Variants in FBXL5 observed in about 807,000 individuals in gnomAD.
FBXL5 encodes the protein F-box/LRR-repeat protein 5.
FBXL5 carries 26 observed loss-of-function variants against 78.3 expected under a neutral mutation model. The ratio of observed to expected loss-of-function variants is 0.33; its 90% CI spans 0.24 to 0.46. FBXL5 has a LOEUF of 0.46. Among genes scored for constraint, FBXL5 ranks in the 20% least tolerant of loss-of-function variants. The pLI is 1.00. For missense variants in FBXL5, 710 were observed against 829.2 expected (o/e 0.86, Z 1.77); for synonymous variants, 295 against 282.5 (o/e 1.04, Z -0.45).
At chr4:15,610,832 ATT>A (rs769841216) in intron 10 of FBXL5, among the ~76,000 whole-genome samples, 28 of 152,014 alleles carry the variant, frequency 1.8e-4, no homozygotes, top group Non-Finnish European at 3.8e-4. Flanking sequence ...TACAAATAAA[ATT>A]TTTTCTGATA....
chr4:15,629,032 C>T (rs1211355095), intron 6 of FBXL5, among the ~76,000 whole-genome samples: 2 of 151,910 alleles, frequency 1.3e-5, no homozygotes, highest in African/African-American at 4.8e-5. Context: ...ATCAAGGTAA[C>T]TGGAACTGTG....
At chr4:15,613,975 G>C (rs993384759) in intron 9 of FBXL5, among the ~76,000 whole-genome samples, 2 of 152,088 alleles carry the variant, frequency 1.3e-5, no homozygotes, top group Non-Finnish European at 2.9e-5. Flanking sequence ...ATCCACTGCT[G>C]GTGAGCTAGT....
At chr4:15,641,473 AT>A (rs1304309654) in intron 2 of FBXL5, 3 of 340,410 alleles carry the variant, frequency 8.8e-6, no homozygotes, top group South Asian at 2.3e-5. Context: ...TAGTGAATAG[AT>A]TTTTTTCTTC....
upstream of FBXL5, among the ~76,000 whole-genome samples, chr4:15,657,303 A>G (rs889049573): frequency 6.6e-6 from 1 of 152,246 alleles, no homozygotes; most frequent in Non-Finnish European, 1.5e-5. Flanking sequence ...AGCACTTAGA[A>G]TGATGTCTGT....
intron 2 of FBXL5, chr4:15,641,383 C>A (rs915730024): frequency 1.2e-5 from 4 of 345,634 alleles, no homozygotes; most frequent in African/African-American, 8.6e-5. Context: ...CCAACCCCAC[C>A]TCTTCTTCCT....
At chr4:15,650,891 A>G (rs1366579024) in intron 1 of FBXL5, among the ~76,000 whole-genome samples, 1 of 152,012 alleles carries the variant, frequency 6.6e-6, no homozygotes, top group Non-Finnish European at 1.5e-5. Context: ...TCGGCCTCCC[A>G]AAGTGCTGGG....
At chr4:15,660,516 A>T (rs1464743939), upstream of FBXL5, among the ~76,000 whole-genome samples, 1 of 152,192 alleles carries the variant, frequency 6.6e-6, no homozygotes, top group Non-Finnish European at 1.5e-5. Flanking sequence ...GTGTTCACTG[A>T]CCAATAGCCT....
At chr4:15,611,884 T>A (rs1054876145) in intron 10 of FBXL5, 1 of 155,510 alleles carries the variant, frequency 6.4e-6, no homozygotes, top group East Asian at 1.9e-4. Context: ...TAAGACTCTA[T>A]TATCCCTAAG....
At chr4:15,663,506 A>C (rs1717406135), upstream of FBXL5, among the ~76,000 whole-genome samples, 1 of 152,192 alleles carries the variant, frequency 6.6e-6, no homozygotes, top group South Asian at 2.1e-4. Context: ...ACTTACTACC[A>C]GCAGGGTAAA....
At chr4:15,605,868 G>A (rs1721850953) in intron 10 of FBXL5, 69 bp from the exon 11 acceptor site, 1 of 1,236,778 alleles carries the variant, frequency 8.1e-7, no homozygotes, top group Non-Finnish European at 1.2e-6. Flanking sequence ...TTTTGCTTAT[G>A]AAGGAGTTAA....
chr4:15,639,855 A>C (rs1714661282), intron 3 of FBXL5, among the ~76,000 whole-genome samples: 1 of 152,216 alleles, frequency 6.6e-6, no homozygotes, highest in African/African-American at 2.4e-5. Context: ...AGGTGAAGCT[A>C]TAGTTGAGAA....
At chr4:15,639,661 G>A (rs991693970) in intron 3 of FBXL5, among the ~76,000 whole-genome samples, 1 of 152,120 alleles carries the variant, frequency 6.6e-6, no homozygotes, top group Admixed American at 6.6e-5. Flanking sequence ...AAAAAACACT[G>A]GTCAGTCTAG....
At chr4:15,640,720 GTC>G in intron 3 of FBXL5, 66 bp downstream of exon 3, 1 of 805,652 alleles carries the variant, frequency 1.2e-6, no homozygotes, top group Non-Finnish European at 1.9e-6. Flanking sequence ...ATTTTGAAGA[GTC>G]TCTAAAGCAA....
intron 10 of FBXL5, among the ~76,000 whole-genome samples, chr4:15,611,673 GA>G (rs1022417120): frequency 6.6e-6 from 1 of 152,038 alleles, no homozygotes; most frequent in Non-Finnish European, 1.5e-5. Context: ...TGTGATTTTT[GA>G]AAGTAGGTTC....
At chr4:15,612,477 G>T in intron 9 of FBXL5, 63 bp from the exon 10 acceptor site, 2 of 1,434,944 alleles carry the variant, frequency 1.4e-6, no homozygotes, top group South Asian at 1.4e-5. Context: ...GTATTCCTAT[G>T]GTTCACTGAA....
chr4:15,670,566 T>G (rs1717719343), intron 1 of FBXL5, among the ~76,000 whole-genome samples: 2 of 152,186 alleles, frequency 1.3e-5, no homozygotes. Flanking sequence ...ACCTTTAGCT[T>G]TTAACTGGGA....
At chr4:15,607,906 C>T (rs898189364) in intron 10 of FBXL5, among the ~76,000 whole-genome samples, 3 of 152,116 alleles carry the variant, frequency 2.0e-5, no homozygotes, top group African/African-American at 7.2e-5. Flanking sequence ...TTCCAAACTG[C>T]AACTCCCTCA....
chr4:15,656,870 C>G (rs1295758694), upstream of FBXL5, among the ~76,000 whole-genome samples: 1 of 151,960 alleles, frequency 6.6e-6, no homozygotes, highest in Non-Finnish European at 1.5e-5. Flanking sequence ...ATTAAGTCTT[C>G]AAGACATTCT....
intron 2 of FBXL5, among the ~76,000 whole-genome samples, chr4:15,643,890 G>C (rs915354869): frequency 6.6e-6 from 1 of 152,172 alleles, no homozygotes; most frequent in Non-Finnish European, 1.5e-5. Context: ...ACAGCTTTCA[G>C]ACTTGGTGAG....
Sources: gnomAD v4.1 joint callset for allele counts (sites outside exome capture counted in the v4.1 genomes callset) on GRCh38, gnomAD v4.1.1 for gene constraint, MANE v1.5 for transcripts, NCBI Gene and HGNC (gene_info 2026-07-23, HGNC 2026-07-21) for gene names.